PRELID2: variants seen among roughly 807,000 people sequenced by gnomAD.
The protein encoded by PRELID2 is PRELI domain containing 2, also known as PRELI domain-containing protein 2.
A neutral mutation model predicts 28.4 loss-of-function variants in PRELID2; 25 were observed. That is an observed-to-expected ratio of 0.88 (90% confidence interval 0.64 to 1.23). PRELID2 has a LOEUF of 1.23. Ranked by LOEUF, PRELID2 falls within the 50% of genes most tolerant of loss-of-function variation. The pLI, the probability that PRELID2 is intolerant of heterozygous loss-of-function variation, is 0.00. For missense variants in PRELID2, 201 were observed against 214.4 expected (o/e 0.94, Z 0.39); for synonymous variants, 76 against 71.6 (o/e 1.06, Z -0.31).
chr5:145,416,761 A>T, the PRELID2 span, among the ~76,000 whole-genome samples: 2 of 152,034 alleles, frequency 1.3e-5, no homozygotes, highest in Non-Finnish European at 2.9e-5. Context: ...ACAAACCCCA[A>T]AGCTAGCAGA....
chr5:145,275,399 T>A, the PRELID2 span, among the ~76,000 whole-genome samples: 5 of 152,076 alleles, frequency 3.3e-5, 1 homozygote, highest in African/African-American at 1.2e-4. Flanking sequence ...CCAGGAGGCA[T>A]GTCTGGAAGA....
At chr5:145,629,785 A>T (rs568582530) in intron 1 of PRELID2, among the ~76,000 whole-genome samples, 3 of 152,138 alleles carry the variant, frequency 2.0e-5, no homozygotes, top group Non-Finnish European at 4.4e-5. Flanking sequence ...ATCTTGCACC[A>T]TCCTTTTAAA....
chr5:145,397,209 C>T, the PRELID2 span, among the ~76,000 whole-genome samples: 1 of 152,110 alleles, frequency 6.6e-6, no homozygotes, highest in Non-Finnish European at 1.5e-5. Context: ...TATAAAGCAT[C>T]CATTTCCCTC....
intron 1 of PRELID2, among the ~76,000 whole-genome samples, chr5:145,478,767 T>C (rs1752130343): frequency 6.6e-6 from 1 of 152,204 alleles, no homozygotes; most frequent in Admixed American, 6.5e-5. Context: ...TTGTAGCTCA[T>C]GTTAGGTTTT....
the PRELID2 span, among the ~76,000 whole-genome samples, chr5:145,365,817 C>T: frequency 1.2e-4 from 18 of 151,840 alleles, no homozygotes; most frequent in Non-Finnish European, 1.0e-4. Flanking sequence ...GGTTAATTTT[C>T]TGGAGCCCCT....
chr5:145,366,529 G>A, the PRELID2 span, among the ~76,000 whole-genome samples: 6 of 151,912 alleles, frequency 3.9e-5, no homozygotes, highest in African/African-American at 1.4e-4. Flanking sequence ...TAGAGGATTA[G>A]ACAGCTCCTG....
intron 1 of PRELID2, among the ~76,000 whole-genome samples, chr5:145,520,207 C>A (rs1322616270): frequency 6.6e-6 from 1 of 152,184 alleles, no homozygotes; most frequent in African/African-American, 2.4e-5. Flanking sequence ...TTGTTCCTGG[C>A]ATACAGGACA....
rs146487587 is a variant in PRELID2, at chr5:145,722,069, A to G, written n.70+42862T>C. Among the ~76,000 whole-genome samples the G allele has an allele frequency of 2.6e-3, 396 of 152,294 alleles. 3 individuals are homozygous for G. Among genetic ancestry groups the G allele is most frequent in the African/African-American group, 9.1e-3 (379 of 41,554 alleles). ...TTGATAGACTTAAACAGCATTCTCAATAAGACAGATCTTACAGATCTTATA... is the reference window on the plus strand; with the variant it reads ...TTGATAGACTTAAACAGCATTCTCAGTAAGACAGATCTTACAGATCTTATA... On this transcript the variant is annotated intron_variant and non_coding_transcript_variant, in intron 1 of 2. Coordinates refer to the PRELID2 transcript ENST00000510259.
At chr5:145,614,476 G>A (rs571069931) in intron 1 of PRELID2, among the ~76,000 whole-genome samples, 38 of 152,310 alleles carry the variant, frequency 2.5e-4, no homozygotes, top group African/African-American at 7.0e-4. Context: ...CCATTTGCTC[G>A]TGTTGTCTAT....
intron 1 of PRELID2, among the ~76,000 whole-genome samples, chr5:145,717,582 G>A (rs1045199560): frequency 4.6e-5 from 7 of 151,506 alleles, no homozygotes; most frequent in Admixed American, 6.6e-5. Context: ...GACAATAAAG[G>A]GAGTTTCTTT....
At chr5:145,402,621 G>C in the PRELID2 span, among the ~76,000 whole-genome samples, 46 of 152,256 alleles carry the variant, frequency 3.0e-4, no homozygotes, top group Non-Finnish European at 5.9e-4. Flanking sequence ...ACCTCTCTGA[G>C]TCTCTACAAG....
At chr5:145,708,148 C>A (rs1163860838) in intron 1 of PRELID2, among the ~76,000 whole-genome samples, 2 of 152,136 alleles carry the variant, frequency 1.3e-5, no homozygotes, top group Non-Finnish European at 2.9e-5. Flanking sequence ...CAGGCCCGCT[C>A]TTCCCCTCCC....
At chr5:145,363,873 T>C in the PRELID2 span, among the ~76,000 whole-genome samples, 27 of 152,152 alleles carry the variant, frequency 1.8e-4, no homozygotes, top group Non-Finnish European at 2.6e-4. Context: ...TAGCTGCACA[T>C]ACCTATTCAA....
intron 1 of PRELID2, among the ~76,000 whole-genome samples, chr5:145,494,558 T>A (rs1485311173): frequency 6.6e-6 from 1 of 152,102 alleles, no homozygotes; most frequent in East Asian, 1.9e-4. Flanking sequence ...ACATGTCATA[T>A]CCAAGTAATA....
chr5:145,783,968 CA>C (rs1295916469), intron 5 of PRELID2, among the ~76,000 whole-genome samples: 1 of 151,960 alleles, frequency 6.6e-6, no homozygotes, highest in African/African-American at 2.4e-5. Context: ...GCAACTGGTC[CA>C]AGGTAGGATA....
intron 1 of PRELID2, among the ~76,000 whole-genome samples, chr5:145,555,079 T>C (rs568911526): frequency 1.3e-5 from 2 of 152,316 alleles, no homozygotes; most frequent in East Asian, 1.9e-4. Context: ...CCCCAATATA[T>C]AAATAGATAA....
the PRELID2 span, among the ~76,000 whole-genome samples, chr5:145,285,430 A>C: frequency 6.6e-6 from 1 of 152,130 alleles, no homozygotes; most frequent in Non-Finnish European, 1.5e-5. Context: ...CTCCTCAAAC[A>C]GCAGAATTAA....
At chr5:145,612,220 A>G (rs1410370095) in intron 1 of PRELID2, among the ~76,000 whole-genome samples, 1 of 152,202 alleles carries the variant, frequency 6.6e-6, no homozygotes, top group African/African-American at 2.4e-5. Flanking sequence ...ACAAAACAAT[A>G]CACAATGTAA....
intron 1 of PRELID2, among the ~76,000 whole-genome samples, chr5:145,530,277 T>C (rs552744823): frequency 6.6e-6 from 1 of 152,282 alleles, no homozygotes; most frequent in Admixed American, 6.5e-5. Flanking sequence ...CAGTTGATAG[T>C]GATTGCTCAC....
Sources: gnomAD v4.1 joint callset for allele counts (sites outside exome capture counted in the v4.1 genomes callset) on GRCh38, gnomAD v4.1.1 for gene constraint, MANE v1.5 for transcripts, NCBI Gene and HGNC (gene_info 2026-07-23, HGNC 2026-07-21) for gene names.